The following RGS17 variants were observed in gnomAD, a reference collection of about 807,000 sequenced individuals.
RGS17 encodes the protein regulator of G-protein signaling 17.
RGS17 carries 12 observed loss-of-function variants against 25.5 expected under a neutral mutation model. That is an observed-to-expected ratio of 0.47 (90% CI 0.30 to 0.76). The LOEUF is 0.76. Ranked by LOEUF, RGS17 falls within the 30% of genes least tolerant of loss-of-function variation. The pLI is 0.07. For synonymous variants in RGS17, 71 were observed against 76.9 expected (o/e 0.92, Z 0.40); for missense variants, 196 against 242.2 (o/e 0.81, Z 1.27).
intron 1 of RGS17, among the ~76,000 whole-genome samples, chr6:153,064,301 G>A (rs1270329806): frequency 6.6e-6 from 1 of 152,066 alleles, no homozygotes; most frequent in Admixed American, 6.6e-5. Context: ...GACATAGACA[G>A]TACAATAAGA....
At chr6:153,114,712 A>G (rs1041157584) in intron 1 of RGS17, among the ~76,000 whole-genome samples, 2 of 152,226 alleles carry the variant, frequency 1.3e-5, no homozygotes, top group African/African-American at 2.4e-5. Flanking sequence ...CCAGCAGCAC[A>G]TTAACAAGCT....
chr6:153,096,937 TAAC>T (rs1226366888), intron 1 of RGS17, among the ~76,000 whole-genome samples: 1 of 152,180 alleles, frequency 6.6e-6, no homozygotes, highest in Non-Finnish European at 1.5e-5. Context: ...CCTCTAAATA[TAAC>T]AACATTGACA....
At chr6:153,030,255 C>T (rs1194192598) in intron 2 of RGS17, among the ~76,000 whole-genome samples, 1 of 152,128 alleles carries the variant, frequency 6.6e-6, no homozygotes, top group Non-Finnish European at 1.5e-5. Context: ...TTACCTGCTG[C>T]CAATTATACA....
chr6:153,081,517 T>C (rs776584395), intron 1 of RGS17, among the ~76,000 whole-genome samples: 2 of 152,160 alleles, frequency 1.3e-5, no homozygotes, highest in Non-Finnish European at 2.9e-5. Flanking sequence ...TGATAATGTC[T>C]AGCTTCTAAG....
At chr6:153,039,235 T>TG (rs1776291215) in intron 2 of RGS17, among the ~76,000 whole-genome samples, 1 of 152,194 alleles carries the variant, frequency 6.6e-6, no homozygotes, top group African/African-American at 2.4e-5. Flanking sequence ...CGATCCCTAA[T>TG]GGGTCTACTG....
chr6:153,028,662 T>G (rs867401395), intron 2 of RGS17, among the ~76,000 whole-genome samples: 2 of 152,176 alleles, frequency 1.3e-5, no homozygotes, highest in African/African-American at 2.4e-5. Context: ...AAATGTACAA[T>G]TTTTTGGTAA....
At chr6:153,049,892 GTGTT>G (rs972026362) in intron 1 of RGS17, among the ~76,000 whole-genome samples, 4 of 152,140 alleles carry the variant, frequency 2.6e-5, no homozygotes, top group South Asian at 2.1e-4. Flanking sequence ...ATAAGTGGGG[GTGTT>G]TGTTCTATCA....
chr6:153,100,339 T>A (rs1777281598), intron 1 of RGS17, among the ~76,000 whole-genome samples: 1 of 152,208 alleles, frequency 6.6e-6, no homozygotes, highest in South Asian at 2.1e-4. Context: ...ACTTGTTATT[T>A]CTCCCAGATA....
intron 1 of RGS17, among the ~76,000 whole-genome samples, chr6:153,052,726 G>A (rs987323185): frequency 2.6e-5 from 4 of 152,136 alleles, no homozygotes; most frequent in Non-Finnish European, 4.4e-5. Context: ...TATTCTGCAT[G>A]TGAAGACATG....
intron 1 of RGS17, among the ~76,000 whole-genome samples, chr6:153,095,197 G>GA (rs1777191799): frequency 6.6e-6 from 1 of 152,006 alleles, no homozygotes; most frequent in South Asian, 2.1e-4. Flanking sequence ...ATTTCTCAGC[G>GA]AATCATTGAG....
chr6:153,067,342 C>T (rs1229017818), intron 1 of RGS17, among the ~76,000 whole-genome samples: 1 of 151,764 alleles, frequency 6.6e-6, no homozygotes, highest in Non-Finnish European at 1.5e-5. Flanking sequence ...AAATAAAGGG[C>T]ATTCGAATTG....
chr6:153,046,586 A>G (rs1776387321), intron 1 of RGS17, among the ~76,000 whole-genome samples: 1 of 152,094 alleles, frequency 6.6e-6, no homozygotes, highest in African/African-American at 2.4e-5. Context: ...GAATGTAAAA[A>G]CAAACACAAA....
chr6:153,091,501 C>A (rs1777130466), intron 1 of RGS17, among the ~76,000 whole-genome samples: 1 of 149,154 alleles, frequency 6.7e-6, no homozygotes, highest in African/African-American at 2.5e-5. Flanking sequence ...GAGACGGAGT[C>A]TCACTCTGTC....
chr6:153,035,153 C>CAAA lies in RGS17; in HGVS notation c.120-8613_120-8611dup, dbSNP rs55877870. On this transcript the variant is annotated intron_variant, in intron 2 of 4. Transcript: ENST00000206262. Reference sequence around the variant, plus strand: ...TGGGTGACAGAGCAAGACTCTCTCACAAAAAAAAAAAAGTATATTGCTTTA... The same window carrying CAAA: ...TGGGTGACAGAGCAAGACTCTCTCACAAAAAAAAAAAAAAAGTATATTGCTTTA... 3.6e-3 allele frequency among the ~76,000 whole-genome samples: 530 copies of CAAA among 146,754 alleles called. 6 individuals carry two copies. The highest frequency in any genetic ancestry group is 9.7e-3 in the East Asian group (48 of 4,962).
At chr6:153,017,864 A>T (rs1334348298) in intron 4 of RGS17, among the ~76,000 whole-genome samples, 15 of 152,340 alleles carry the variant, frequency 9.8e-5, no homozygotes, top group African/African-American at 3.4e-4. Flanking sequence ...TACCAATGGT[A>T]ACATCTGCCA....
intron 1 of RGS17, among the ~76,000 whole-genome samples, chr6:153,122,856 G>A (rs1385486546): frequency 1.3e-5 from 2 of 151,736 alleles, no homozygotes; most frequent in East Asian, 1.9e-4. Context: ...AGAGTGTGGG[G>A]AAAATCAAAT....
At chr6:153,069,110 C>A (rs1289978291) in intron 1 of RGS17, among the ~76,000 whole-genome samples, 1 of 152,118 alleles carries the variant, frequency 6.6e-6, no homozygotes, top group African/African-American at 2.4e-5. Context: ...TGGGTACATA[C>A]CCAAAAGAAA....
In RGS17 at chr6:153,009,579, A is replaced by G. The variant is rs573533790; in HGVS notation, c.*1995T>C. The G allele has an allele frequency of 1.1e-3, 163 of 152,102 alleles. No individual in the cohort carries two copies. The highest frequency in any genetic ancestry group is 3.4e-3 in the African/African-American group (140 of 41,548). 9.4% of individuals were successfully genotyped at this position (152,102 alleles called of 1,614,324 possible). On this transcript the variant is annotated 3_prime_UTR_variant, in exon 5 of 5. Transcript: ENST00000206262. ...GAAAACTTATTCAAATAGTATTTAA[A>G]TGACATGAATAAAATATGTCTTAAC...
intron 1 of RGS17, among the ~76,000 whole-genome samples, chr6:153,093,110 T>G (rs1275158466): frequency 6.6e-6 from 1 of 152,242 alleles, no homozygotes; most frequent in Non-Finnish European, 1.5e-5. Flanking sequence ...GAAACATTCT[T>G]TTATTTTTTA....
Sources: gnomAD v4.1 joint callset for allele counts (sites outside exome capture counted in the v4.1 genomes callset) on GRCh38, gnomAD v4.1.1 for gene constraint, MANE v1.5 for transcripts, NCBI Gene and HGNC (gene_info 2026-07-23, HGNC 2026-07-21) for gene names.